SIN3B: variants seen among roughly 807,000 people sequenced by gnomAD.
SIN3B encodes paired amphipathic helix protein Sin3b.
A neutral mutation model predicts 120.2 loss-of-function variants in SIN3B; 19 were observed. The observed-to-expected ratio is 0.16, with a 90% CI of 0.11 to 0.23. SIN3B has a LOEUF of 0.23. SIN3B is among the 10% of genes least tolerant of loss of function. SIN3B has a pLI of 1.00. For synonymous variants in SIN3B, 654 were observed against 653.2 expected, an observed-to-expected ratio of 1.00 and a Z score of -0.02; for missense variants, 1,073 against 1,573.0, an observed-to-expected ratio of 0.68 and a Z score of 5.38.
In SIN3B at chr19:16,878,510, T is replaced by A; in HGVS notation, c.3176T>A (p.Val1059Asp). 6.3e-7 allele frequency: 1 copy of A among 1,576,334 alleles called. No individual in the cohort carries two copies. Among genetic ancestry groups the A allele is most frequent in the East Asian group, 2.3e-5 (1 of 42,614 alleles). ...LCRAKQVQPL[V>D]LLRHHQHFEE... ...CCTCTTCAACAGGTGCAGCCCCTGG[T>A]CCTGCTCCGCCACCACCAGCACTTT... The change falls in exon 19 of 19, where the codon GTC becomes GAC. Residue 1059 changes from valine to aspartate, a missense_variant. Physicochemically the swap from Val to Asp is radical, Grantham distance 152. Around this residue, in one of 7 missense-constraint regions of SIN3B, gnomAD observed 311 missense variants for 400.3 expected, o/e 0.78. Transcript: ENST00000248054.
chr19:16,852,699 G>A (rs138989212), intron 6 of SIN3B, among the ~76,000 whole-genome samples: 4 of 152,326 alleles, frequency 2.6e-5, no homozygotes, highest in Non-Finnish European at 4.4e-5. Flanking sequence ...TCTTCCCAGT[G>A]CCACCCTCTT....
In SIN3B at chr19:16,865,598, C is replaced by A. The variant is rs368153359; in HGVS notation, c.1572C>A (p.Ile524=). The stretch of plus-strand genomic sequence containing the variant: ...ATGGCGACAAGGCCCCGGAGATCAT[C>A]GAGAGCCTCAAGAAGAACCCTGTCA... The part of the protein sequence containing the change: ...RIYGDKAPEI[I]ESLKKNPVTA... The change falls in exon 11 of 19, where the codon ATC becomes ATA. Residue 524 remains isoleucine (I), a synonymous_variant. Coordinates refer to ENST00000248054, the MANE Select transcript of SIN3B (RefSeq NM_001297595.2). 3 of 1,612,518 alleles carry A rather than the reference C, an allele frequency of 1.9e-6. No individual in the cohort carries two copies. Among genetic ancestry groups the A allele is most frequent in the Admixed American group, 3.3e-5 (2 of 59,918 alleles).
At chr19:16,849,951 C>G (rs1034730286) in intron 5 of SIN3B, among the ~76,000 whole-genome samples, 37 of 145,420 alleles carry the variant, frequency 2.5e-4, no homozygotes, top group Middle Eastern at 3.5e-3. Flanking sequence ...GTGAGACCTC[C>G]GTCTCAAAAA....
intron 5 of SIN3B, among the ~76,000 whole-genome samples, chr19:16,850,059 C>G (rs919486106): frequency 1.2e-4 from 18 of 152,006 alleles, no homozygotes; most frequent in African/African-American, 4.3e-4. Flanking sequence ...ATTATTCCCC[C>G]CAAATAATTC....
At chr19:16,837,264 G>C (rs1358079176) in intron 3 of SIN3B, among the ~76,000 whole-genome samples, 1 of 152,100 alleles carries the variant, frequency 6.6e-6, no homozygotes. Flanking sequence ...GGTTCTGGGA[G>C]GCGGTTCTGC....
At chr19:16,848,539 C>T (rs1302457367) in intron 5 of SIN3B, among the ~76,000 whole-genome samples, 1 of 151,714 alleles carries the variant, frequency 6.6e-6, no homozygotes, top group Non-Finnish European at 1.5e-5. Context: ...TGTCTGTCAC[C>T]TAGGCTGGAG....
At chr19:16,859,149 CAAAAA>C (rs1326813286) in intron 8 of SIN3B, among the ~76,000 whole-genome samples, 1 of 150,268 alleles carries the variant, frequency 6.7e-6, no homozygotes, top group Non-Finnish European at 1.5e-5. Flanking sequence ...GAACCTGTCT[CAAAAA>C]AAAATAAGGA....
In SIN3B at chr19:16,876,683, C is replaced by T; in HGVS notation, c.2859+105C>T. ...CGCAGGCCGCGCAGCATCCAGAGAC[C>T]CTCCCTCTGCAGGCCACAGGCTCTC... is the stretch of plus-strand genomic sequence containing the variant. On this transcript the variant is annotated intron_variant, in intron 16 of 18. Coordinates refer to ENST00000248054, the MANE Select transcript of SIN3B (RefSeq NM_001297595.2). This position sits in a 1 kb window ranked among gnomAD's most constrained non-coding sequence, Gnocchi z 7.1. 1.2e-6 allele frequency: 1 copy of T among 857,078 alleles called. No homozygotes were observed. Among genetic ancestry groups the T allele is most frequent in the East Asian group, 2.7e-5 (1 of 37,304 alleles). 53.1% of individuals were successfully genotyped at this position (857,078 alleles called of 1,614,324 possible).
chr19:16,858,104 T>C (rs1418103715), intron 8 of SIN3B, among the ~76,000 whole-genome samples: 1 of 152,128 alleles, frequency 6.6e-6, no homozygotes, highest in African/African-American at 2.4e-5. Flanking sequence ...CTCAAACTCC[T>C]GGCCTCAAGT....
At chr19:16,854,420 G>C in intron 8 of SIN3B, 159 bp downstream of exon 8, 1 of 589,420 alleles carries the variant, frequency 1.7e-6, no homozygotes, top group Non-Finnish European at 3.0e-6. Context: ...CCATGCATTT[G>C]TAAGGAGCAA....
chr19:16,876,668 G>A lies in SIN3B; in HGVS notation c.2859+90G>A, dbSNP rs149784814. ...CTCCCACCAGCCAAGCGCAGGCCGC[G>A]CAGCATCCAGAGACCCTCCCTCTGC... is the stretch of plus-strand genomic sequence containing the variant. On this transcript the variant is annotated intron_variant, in intron 16 of 18. Transcript: ENST00000248054. The surrounding 1 kb of genome is among the most constrained non-coding windows in gnomAD (Gnocchi z 7.1). 1.9e-4 allele frequency: 192 copies of A among 1,016,150 alleles called. No individual in the cohort carries two copies. In the African/African-American group the frequency reaches 2.5e-3, roughly 13 times the overall value. The allele number at this position is 1,016,150 out of a possible 1,614,324, so 62.9% of individuals were successfully genotyped here.
intron 8 of SIN3B, 190 bp downstream of exon 8, chr19:16,854,451 C>T: frequency 1.8e-6 from 1 of 548,890 alleles, no homozygotes; most frequent in South Asian, 2.2e-5. Context: ...GGGTACCCTC[C>T]AGCTGGTTCC....
At chr19:16,835,953 T>G in intron 3 of SIN3B, among the ~76,000 whole-genome samples, 1 of 152,202 alleles carries the variant, frequency 6.6e-6, no homozygotes, top group Admixed American at 6.5e-5. Context: ...TATTCTCTGT[T>G]GCTTAGTTTT....
At chr19:16,842,385 G>A (rs1030216859) in intron 4 of SIN3B, among the ~76,000 whole-genome samples, 2 of 148,614 alleles carry the variant, frequency 1.3e-5, no homozygotes, top group Non-Finnish European at 3.0e-5. Flanking sequence ...TTACAGGTGT[G>A]AGCCACCGTG....
At chr19:16,857,515 A>ATGTGTG (rs1555742137) in intron 8 of SIN3B, among the ~76,000 whole-genome samples, 1 of 62,162 alleles carries the variant, frequency 1.6e-5, no homozygotes, top group East Asian at 4.3e-4. Context: ...CTTAAAAAAA[A>ATGTGTG]TATGTGTGTG....
intron 4 of SIN3B, among the ~76,000 whole-genome samples, chr19:16,845,273 A>ATTGT (rs568433673): frequency 4.6e-4 from 70 of 151,770 alleles, no homozygotes; most frequent in African/African-American, 1.6e-3. Context: ...TCCGTGTTTG[A>ATTGT]TTGTTTGTTT....
chr19:16,870,024 CGCA>C lies in SIN3B; in HGVS notation c.2373_2375del (p.Arg792del), dbSNP rs1352216922. The C allele has an allele frequency of 1.2e-5, 19 of 1,611,740 alleles. No individual in the cohort carries two copies. Among genetic ancestry groups the C allele is most frequent in the Non-Finnish European group, 1.6e-5 (19 of 1,178,898 alleles). ...GCGGGAGAAGCTGCTGTGTGAGGGC[CGCA>C]GGGAGAAGGGCAGCGACCCCGCCAT... On this transcript the variant is annotated inframe_deletion, in exon 13 of 19. Transcript: ENST00000248054.
In SIN3B at chr19:16,878,124, C is replaced by T. The variant is rs2051634685; in HGVS notation, c.2955-59C>T. On this transcript the variant is annotated intron_variant, in intron 17 of 18. Transcript: ENST00000248054. The stretch of plus-strand genomic sequence containing the variant: ...CCAGGCCTGGGGGTTTCCCAGCCTG[C>T]AAATCCTCCTCCCACAATGCCGAGA... 6 of 1,414,708 alleles carry T rather than the reference C, an allele frequency of 4.2e-6. No homozygotes were observed. The African/African-American group carries it at 7.2e-5, about 17-fold the overall frequency. 87.6% of individuals were successfully genotyped at this position (1,414,708 alleles called of 1,614,324 possible).
At chr19:16,835,553 A>C (rs1375610355) in intron 3 of SIN3B, among the ~76,000 whole-genome samples, 2 of 133,900 alleles carry the variant, frequency 1.5e-5, no homozygotes, top group Non-Finnish European at 3.1e-5. Context: ...ACACCATTTC[A>C]CTGTCACCCA....
Sources: gnomAD v4.1 joint callset for allele counts (sites outside exome capture counted in the v4.1 genomes callset) on GRCh38, gnomAD v4.1.1 for gene constraint, gnomAD v4.1.1 regional missense constraint, Gnocchi (gnomAD v3.1) non-coding constraint, MANE v1.5 for transcripts, NCBI Gene and HGNC (gene_info 2026-07-23, HGNC 2026-07-21) for gene names.